The following ZFAT variants were observed in gnomAD, a reference collection of about 807,000 sequenced individuals.
The protein encoded by ZFAT is zinc finger and AT-hook domain containing, also known as zinc finger protein ZFAT.
ZFAT carries 64 observed loss-of-function variants against 117.7 expected under a neutral mutation model. The ratio of observed to expected loss-of-function variants is 0.54; its 90% CI spans 0.44 to 0.67. The LOEUF (loss-of-function observed/expected upper bound fraction) is 0.67. Among genes scored for constraint, ZFAT ranks in the 30% least tolerant of loss-of-function variants. ZFAT has a pLI of 0.00. For synonymous variants in ZFAT, 679 were observed against 615.0 expected (o/e 1.10, Z -1.54); for missense variants, 1,433 against 1,584.5 (o/e 0.90, Z 1.62).
chr8:134,680,409 G>A (rs927837875), intron 1 of ZFAT, among the ~76,000 whole-genome samples: 1 of 152,048 alleles, frequency 6.6e-6, no homozygotes, highest in Admixed American at 6.6e-5. Context: ...GAAACTTTGT[G>A]CTACTTTTAC....
At chr8:134,718,267 G>T in the ZFAT span, among the ~76,000 whole-genome samples, 13 of 152,134 alleles carry the variant, frequency 8.5e-5, no homozygotes, top group African/African-American at 2.9e-4. Flanking sequence ...GGGAGGCCGA[G>T]GCAGGAGGAT....
At chr8:134,665,179 G>A (rs1324600539) in intron 1 of ZFAT, among the ~76,000 whole-genome samples, 1 of 152,190 alleles carries the variant, frequency 6.6e-6, no homozygotes, top group Non-Finnish European at 1.5e-5. Flanking sequence ...TGAATTCATA[G>A]GCCCTGAGGG....
At chr8:134,501,423 T>C (rs1211296335) in intron 15 of ZFAT, among the ~76,000 whole-genome samples, 1 of 152,164 alleles carries the variant, frequency 6.6e-6, no homozygotes, top group African/African-American at 2.4e-5. Context: ...CAAGCAGTTA[T>C]GGCAGATGGA....
chr8:134,538,730 G>A (rs777768130), intron 11 of ZFAT, among the ~76,000 whole-genome samples: 1 of 148,946 alleles, frequency 6.7e-6, no homozygotes, highest in Non-Finnish European at 1.5e-5. Context: ...CTGGGAGACA[G>A]AGGTCACAGT....
rs1962009 is a variant in ZFAT at position 134,690,120 on chromosome 8, C to T, written c.19+22725G>A. On this transcript the variant is annotated intron_variant, in intron 1 of 15. Coordinates refer to ENST00000377838, the MANE Select transcript of ZFAT (RefSeq NM_020863.4). ...CATCAAAGTTTGGACTAGGCATGAA[C>T]CCAGTATTCACATTATTTCCAGAAT... Among the ~76,000 whole-genome samples the T allele has an allele frequency of 1.5e-3, 233 of 152,240 alleles. 1 individual carries two copies. Among genetic ancestry groups the T allele is most frequent in the African/African-American group, 5.2e-3 (215 of 41,546 alleles).
intron 11 of ZFAT, among the ~76,000 whole-genome samples, chr8:134,561,618 CTTA>C (rs145736511): frequency 0.01 from 1,566 of 152,150 alleles, 24 homozygotes; most frequent in African/African-American, 0.036. Flanking sequence ...GGAATTTGCC[CTTA>C]TTATAATATT....
chr8:134,748,674 T>G, the ZFAT span, among the ~76,000 whole-genome samples: 15 of 152,216 alleles, frequency 9.9e-5, no homozygotes, highest in Non-Finnish European at 2.2e-4. Flanking sequence ...TGATTCACAT[T>G]CTTATCATCA....
chr8:134,546,838 A>G (rs947370351), intron 11 of ZFAT, among the ~76,000 whole-genome samples: 5 of 152,236 alleles, frequency 3.3e-5, no homozygotes, highest in African/African-American at 1.2e-4. Context: ...AGCAGTCTGC[A>G]TGGAGATGTT....
rs946525738 is a variant in ZFAT, at chr8:134,691,864, G to T, written c.19+20981C>A. On this transcript the variant is annotated intron_variant, in intron 1 of 15. Transcript: ENST00000377838. ...TTAAAGCTATAAAAGATATTTACCT[G>T]CATTTCCTTTATCATGAAGACCAGA... Among the ~76,000 whole-genome samples, 3 of 152,288 alleles carry T rather than the reference G, an allele frequency of 2.0e-5. No homozygotes were observed. In the South Asian group the frequency reaches 6.2e-4, roughly 32 times the overall value.
At chr8:134,527,021 G>A (rs916231409) in intron 12 of ZFAT, among the ~76,000 whole-genome samples, 5 of 152,102 alleles carry the variant, frequency 3.3e-5, no homozygotes, top group Non-Finnish European at 7.4e-5. Flanking sequence ...GATCTTGAGA[G>A]GGGGAGGTCA....
chr8:134,658,495 A>T (rs1451180314), intron 1 of ZFAT, among the ~76,000 whole-genome samples: 2 of 152,174 alleles, frequency 1.3e-5, no homozygotes, highest in Non-Finnish European at 2.9e-5. Context: ...AGCACCTTTC[A>T]ATGAAACGGC....
At chr8:134,626,348 G>C (rs1337085944) in intron 3 of ZFAT, among the ~76,000 whole-genome samples, 1 of 152,180 alleles carries the variant, frequency 6.6e-6, no homozygotes, top group East Asian at 1.9e-4. Flanking sequence ...AAAGTCCAAG[G>C]GTCCTAGACC....
At chr8:134,606,532 T>C (rs1039268285) in intron 5 of ZFAT, among the ~76,000 whole-genome samples, 16 of 151,972 alleles carry the variant, frequency 1.1e-4, no homozygotes, top group African/African-American at 3.4e-4. Context: ...CTGGCCAACA[T>C]AGTGAAACCC....
intron 3 of ZFAT, among the ~76,000 whole-genome samples, chr8:134,636,453 A>C (rs1357419213): frequency 6.6e-6 from 1 of 152,206 alleles, no homozygotes; most frequent in Non-Finnish European, 1.5e-5. Context: ...TATCTTACTT[A>C]ATTGTCAAAG....
At chr8:134,645,099 A>G (rs1830805682) in intron 2 of ZFAT, among the ~76,000 whole-genome samples, 2 of 152,340 alleles carry the variant, frequency 1.3e-5, no homozygotes, top group South Asian at 4.1e-4. Context: ...AAGGAAAATG[A>G]AAGGTCTTTC....
intron 10 of ZFAT, among the ~76,000 whole-genome samples, chr8:134,581,866 A>G (rs916420302): frequency 5.3e-5 from 8 of 152,242 alleles, no homozygotes; most frequent in Admixed American, 2.6e-4. Flanking sequence ...CTGGGATTAT[A>G]GGCATGAGCC....
intron 9 of ZFAT, among the ~76,000 whole-genome samples, chr8:134,585,639 C>T (rs1227941087): frequency 6.6e-6 from 1 of 152,152 alleles, no homozygotes; most frequent in African/African-American, 2.4e-5. Flanking sequence ...GGGGAGTCAC[C>T]TAAACAGCTC....
chr8:134,814,192 G>GA, the ZFAT span, among the ~76,000 whole-genome samples: 1 of 152,118 alleles, frequency 6.6e-6, no homozygotes, highest in Non-Finnish European at 1.5e-5. Context: ...TTAAGATTCA[G>GA]AATATGTTAT....
chr8:134,620,926 T>G (rs1829066554), intron 3 of ZFAT, among the ~76,000 whole-genome samples: 1 of 152,152 alleles, frequency 6.6e-6, no homozygotes, highest in Admixed American at 6.5e-5. Flanking sequence ...AAACTCCAAG[T>G]CCTCTAGATG....
Sources: allele counts gnomAD v4.1 joint callset (sites outside exome capture counted in the v4.1 genomes callset), GRCh38; gene constraint gnomAD v4.1.1; transcripts MANE v1.5; gene names NCBI Gene and HGNC (gene_info 2026-07-23, HGNC 2026-07-21).